The following DNM3 variants were observed in gnomAD, a reference collection of about 807,000 sequenced individuals.
DNM3 encodes dynamin-3.
A neutral mutation model predicts 101.6 loss-of-function variants in DNM3; 47 were observed. That is an observed-to-expected ratio of 0.46 (90% CI 0.37 to 0.59). The LOEUF (loss-of-function observed/expected upper bound fraction) is 0.59, where lower values mean the gene tolerates loss of function less well. Among genes scored for constraint, DNM3 ranks in the 20% least tolerant of loss-of-function variants. The pLI is 0.00. For missense variants in DNM3, 849 were observed against 1,085.7 expected (o/e 0.78, Z 3.06); for synonymous variants, 385 against 387.9 (o/e 0.99, Z 0.09).
At chr1:172,149,331 G>T (rs2058040691) in intron 14 of DNM3, among the ~76,000 whole-genome samples, 1 of 152,078 alleles carries the variant, frequency 6.6e-6, no homozygotes, top group South Asian at 2.1e-4. Context: ...TTATATTTCA[G>T]TAGCATAATA....
chr1:172,222,865 A>G (rs1260426416), intron 14 of DNM3, among the ~76,000 whole-genome samples: 1 of 152,140 alleles, frequency 6.6e-6, no homozygotes, highest in Non-Finnish European at 1.5e-5. Context: ...TTGTACACAA[A>G]CAAAATCTAG....
chr1:172,193,112 T>G (rs1434257612), intron 14 of DNM3, among the ~76,000 whole-genome samples: 1 of 152,042 alleles, frequency 6.6e-6, no homozygotes, highest in Non-Finnish European at 1.5e-5. Context: ...TTGATTTGCA[T>G]TTCTCTGATG....
intron 14 of DNM3, among the ~76,000 whole-genome samples, chr1:172,252,445 G>A (rs1370984484): frequency 6.6e-6 from 1 of 152,104 alleles, no homozygotes; most frequent in Non-Finnish European, 1.5e-5. Context: ...TATGCTGTAG[G>A]AACAAAAGGA....
At chr1:171,855,232 T>A (rs919289775) in intron 1 of DNM3, among the ~76,000 whole-genome samples, 3 of 152,216 alleles carry the variant, frequency 2.0e-5, no homozygotes, top group African/African-American at 7.2e-5. Flanking sequence ...GGCTGCATAG[T>A]ATTCCATGGT....
chr1:172,092,134 G>T (rs1328445111), intron 12 of DNM3, among the ~76,000 whole-genome samples: 1 of 152,110 alleles, frequency 6.6e-6, no homozygotes, highest in Non-Finnish European at 1.5e-5. Context: ...TATTAAGAAT[G>T]ATATGCCCAT....
At chr1:172,248,755 T>C (rs1480844910) in intron 14 of DNM3, among the ~76,000 whole-genome samples, 2 of 152,174 alleles carry the variant, frequency 1.3e-5, no homozygotes, top group Admixed American at 6.5e-5. Context: ...CATATAGTTT[T>C]CTTCATAGAA....
chr1:172,278,691 G>A (rs541726209), intron 15 of DNM3, among the ~76,000 whole-genome samples: 1 of 152,040 alleles, frequency 6.6e-6, no homozygotes, highest in Non-Finnish European at 1.5e-5. Flanking sequence ...AGGAATATCA[G>A]CATGTGACTT....
Position 172,308,719 on chromosome 1 carries a change from T to TA in DNM3, c.1770-7dup. ...CTAAAAGCATGATTTTTTTTTTTTTTAACTCCAGGAATGTATACAAAGACT... is the reference window on the plus strand; with the variant it reads ...CTAAAAGCATGATTTTTTTTTTTTTTAAACTCCAGGAATGTATACAAAGACT... On this transcript the variant is annotated splice_polypyrimidine_tract_variant and intron_variant, in intron 15 of 20. Coordinates refer to ENST00000627582, the MANE Select transcript of DNM3 (RefSeq NM_015569.5). 1 of 1,469,464 alleles carries TA rather than the reference T, an allele frequency of 6.8e-7. No homozygotes were observed. The highest frequency in any genetic ancestry group is 9.1e-7 in the Non-Finnish European group (1 of 1,094,350). 91.0% of individuals were successfully genotyped at this position (1,469,464 alleles called of 1,614,324 possible).
In DNM3 at chr1:172,379,187, G is replaced by A; in HGVS notation, c.2058+5G>A. The A allele has an allele frequency of 6.3e-7, 1 of 1,597,470 alleles. No individual in the cohort carries two copies. The highest frequency in any genetic ancestry group is 8.5e-7 in the Non-Finnish European group (1 of 1,170,668). On this transcript the variant is annotated splice_donor_5th_base_variant and intron_variant, in intron 18 of 20. Coordinates refer to ENST00000627582, the MANE Select transcript of DNM3 (RefSeq NM_015569.5). ...ATGCACCTTATGATCAATAACGTAAGTGATTATAAACTACCTCCATTTAAC... is the reference window on the plus strand; with the variant it reads ...ATGCACCTTATGATCAATAACGTAAATGATTATAAACTACCTCCATTTAAC...
In DNM3 at chr1:172,164,232, C is replaced by CTTTTTTTT. The variant is rs3980440; in HGVS notation, c.1659+32952_1659+32959dup. ...TTCTCTCTCTATTTTCTTTTCTTTT[C>CTTTTTTTT]TTTTTTTTTTTTTTTGAGGCCTTAC... On this transcript the variant is annotated intron_variant, in intron 14 of 20. Coordinates refer to ENST00000627582, the MANE Select transcript of DNM3 (RefSeq NM_015569.5). 2.7e-3 allele frequency among the ~76,000 whole-genome samples: 346 copies of CTTTTTTTT among 126,460 alleles called. 3 individuals are homozygous for CTTTTTTTT. Among genetic ancestry groups the CTTTTTTTT allele is most frequent in the Middle Eastern group, 8.3e-3 (2 of 240 alleles). The allele number at this position is 126,460 out of a possible 152,430, so 83.0% of individuals were successfully genotyped here.
intron 15 of DNM3, among the ~76,000 whole-genome samples, chr1:172,298,490 C>T (rs1313434530): frequency 6.6e-6 from 1 of 152,182 alleles, no homozygotes; most frequent in Non-Finnish European, 1.5e-5. Context: ...CTTAAAGGTC[C>T]TGCAGTCATC....
chr1:171,943,249 C>T (rs2041938305), intron 2 of DNM3, among the ~76,000 whole-genome samples: 2 of 152,104 alleles, frequency 1.3e-5, no homozygotes, highest in South Asian at 4.1e-4. Context: ...TTGTTTTTGT[C>T]AACCAAAAAT....
chr1:172,359,454 CTTTAA>C (rs1250598183), intron 17 of DNM3, among the ~76,000 whole-genome samples: 8 of 151,478 alleles, frequency 5.3e-5, no homozygotes, highest in South Asian at 4.1e-4. Context: ...GTCTTAATTT[CTTTAA>C]TTTGAGATTG....
chr1:171,930,999 A>G (rs575136352), intron 2 of DNM3, among the ~76,000 whole-genome samples: 7 of 152,190 alleles, frequency 4.6e-5, no homozygotes, highest in African/African-American at 1.7e-4. Context: ...GTCCTGGCGC[A>G]TAAGAAGGTA....
intron 17 of DNM3, among the ~76,000 whole-genome samples, chr1:172,346,667 T>G (rs574135752): frequency 6.6e-6 from 1 of 152,182 alleles, no homozygotes; most frequent in African/African-American, 2.4e-5. Context: ...ATAGTTTAAA[T>G]GATGAAGAAA....
At chr1:172,230,379 A>G (rs1244036267) in intron 14 of DNM3, among the ~76,000 whole-genome samples, 4 of 152,172 alleles carry the variant, frequency 2.6e-5, no homozygotes, top group Non-Finnish European at 4.4e-5. Context: ...GACTAAAGCT[A>G]TGGACTCTCC....
intron 17 of DNM3, among the ~76,000 whole-genome samples, chr1:172,342,064 C>T (rs2066712149): frequency 6.6e-6 from 1 of 152,086 alleles, no homozygotes; most frequent in Non-Finnish European, 1.5e-5. Context: ...GAGATAGCAT[C>T]TCATACCAGT....
intron 14 of DNM3, among the ~76,000 whole-genome samples, chr1:172,225,101 T>A (rs1352277343): frequency 6.6e-6 from 1 of 151,630 alleles, no homozygotes; most frequent in African/African-American, 2.4e-5. Flanking sequence ...TGCTATTTTC[T>A]TTGGTGGCAT....
chr1:171,919,992 T>A (rs907347265), intron 1 of DNM3, among the ~76,000 whole-genome samples: 35 of 152,324 alleles, frequency 2.3e-4, no homozygotes, highest in Admixed American at 2.1e-3. Flanking sequence ...CAAAAGCACA[T>A]ACAAATTTGT....
Sources: gnomAD v4.1 joint callset for allele counts (sites outside exome capture counted in the v4.1 genomes callset) on GRCh38, gnomAD v4.1.1 for gene constraint, MANE v1.5 for transcripts, NCBI Gene and HGNC (gene_info 2026-07-23, HGNC 2026-07-21) for gene names.